ZRANB3: variants seen among roughly 807,000 people sequenced by gnomAD.
ZRANB3 encodes DNA annealing helicase and endonuclease ZRANB3.
A neutral mutation model predicts 133.8 loss-of-function variants in ZRANB3; 125 were observed. The observed-to-expected ratio is 0.93, with a 90% CI of 0.81 to 1.08. The LOEUF (loss-of-function observed/expected upper bound fraction) is 1.08. Ranked by LOEUF, ZRANB3 falls within the 50% of genes least tolerant of loss-of-function variation. The probability of loss-of-function intolerance (pLI) is 0.00; values close to 1 mark genes in which losing one functional copy is unlikely to be tolerated. For synonymous variants in ZRANB3, 387 were observed against 432.7 expected (o/e 0.89, Z 1.31); for missense variants, 1,229 against 1,275.5 (o/e 0.96, Z 0.56).
intron 12 of ZRANB3, among the ~76,000 whole-genome samples, chr2:135,255,966 T>G (rs1201748552): frequency 1.3e-5 from 2 of 149,082 alleles, no homozygotes; most frequent in African/African-American, 5.0e-5. Flanking sequence ...CAGGCTGGAG[T>G]GCAGTGGAGA....
intron 12 of ZRANB3, among the ~76,000 whole-genome samples, chr2:135,264,771 C>T (rs1165570386): frequency 1.3e-5 from 2 of 148,854 alleles, no homozygotes; most frequent in Middle Eastern, 6.5e-3. Context: ...GACAGAGACA[C>T]AGTCTCACTC....
chr2:135,228,309 TTTG>T (rs1694839302), intron 13 of ZRANB3: 1 of 209,470 alleles, frequency 4.8e-6, no homozygotes, highest in South Asian at 8.7e-5. Context: ...ACAACTAAGT[TTTG>T]TTTTTTTTTT....
intron 2 of ZRANB3, among the ~76,000 whole-genome samples, chr2:135,398,189 C>T (rs2104935253): frequency 6.6e-6 from 1 of 151,960 alleles, no homozygotes; most frequent in South Asian, 2.1e-4. Flanking sequence ...CCTCAGCCTC[C>T]CAAGTAGCTG....
intron 12 of ZRANB3, among the ~76,000 whole-genome samples, chr2:135,257,523 G>A (rs918009567): frequency 6.6e-6 from 1 of 152,116 alleles, no homozygotes; most frequent in African/African-American, 2.4e-5. Flanking sequence ...TTACAAAATG[G>A]TTGCATCATT....
At chr2:135,389,876 CT>C (rs1165827390) in intron 3 of ZRANB3, among the ~76,000 whole-genome samples, 402 of 102,316 alleles carry the variant, frequency 3.9e-3, no homozygotes, top group East Asian at 0.013. Context: ...TGCTGTTATT[CT>C]TTTTTTTTTT....
rs755221915 is a variant in ZRANB3, at chr2:135,315,493, C to T, written c.715G>A (p.Ala239Thr). 3 of 1,579,486 alleles carry T rather than the reference C, an allele frequency of 1.9e-6. No individual in the cohort carries two copies. The highest frequency in any genetic ancestry group is 2.6e-6 in the Non-Finnish European group (3 of 1,166,466). Residue 239 changes from alanine (A) to threonine (T), a missense_variant, in exon 7 of 21, where the codon GCA becomes ACA. Transcript: ENST00000264159. ...GKRPQWDCRG[A>T]SNLNELHQLL... ...TGGTGAAGTTCATTAAGATTTGATG[C>T]CCCTCTACAATCCCACTGAGGTCTT...
intron 12 of ZRANB3, among the ~76,000 whole-genome samples, chr2:135,250,304 C>T (rs1387557389): frequency 6.6e-6 from 1 of 152,118 alleles, no homozygotes; most frequent in African/African-American, 2.4e-5. Flanking sequence ...CTGTTAAAGG[C>T]ATTCAGTTTT....
chr2:135,478,884 T>C (rs1466301140), intron 2 of ZRANB3, among the ~76,000 whole-genome samples: 3 of 151,862 alleles, frequency 2.0e-5, no homozygotes, highest in South Asian at 2.1e-4. Flanking sequence ...ACCTGTTATA[T>C]GTATATATGT....
intron 6 of ZRANB3, among the ~76,000 whole-genome samples, chr2:135,327,206 G>A (rs1683878646): frequency 6.6e-6 from 1 of 152,172 alleles, no homozygotes; most frequent in African/African-American, 2.4e-5. Context: ...ATCCAGGAAT[G>A]TGAGGATCCA....
rs201881336 is a variant in ZRANB3, at chr2:135,514,833, G to GT, written c.-7-10338dup. 6.4e-4 allele frequency among the ~76,000 whole-genome samples: 98 copies of GT among 151,986 alleles called. 2 individuals carry two copies. The South Asian group carries it at 0.018, about 28-fold the overall frequency. On this transcript the variant is annotated intron_variant, in intron 1 of 20. Transcript: ENST00000264159. ...TCCATCAATACCTAGTTTATTGACA[G>GT]TTTTTTTTAGCATGAAGGGGTGTTG... is the stretch of plus-strand genomic sequence containing the variant.
chr2:135,213,301 C>G (rs963814207), intron 17 of ZRANB3, among the ~76,000 whole-genome samples: 1 of 152,200 alleles, frequency 6.6e-6, no homozygotes, highest in African/African-American at 2.4e-5. Flanking sequence ...AGTCTGGAGA[C>G]TCTCTGATTC....
chr2:135,255,040 C>T (rs143312260), intron 12 of ZRANB3, among the ~76,000 whole-genome samples: 96 of 152,072 alleles, frequency 6.3e-4, no homozygotes, highest in Non-Finnish European at 1.1e-3. Flanking sequence ...TGTGAGCCAC[C>T]GCATCCGGCC....
At chr2:135,274,711 A>G (rs1573808108) in intron 9 of ZRANB3, among the ~76,000 whole-genome samples, 1 of 151,888 alleles carries the variant, frequency 6.6e-6, no homozygotes, top group Non-Finnish European at 1.5e-5. Flanking sequence ...TAGTGGAGGG[A>G]AGGTCAGCAG....
At chr2:135,224,338 A>G in intron 15 of ZRANB3, 88 bp downstream of exon 15, 11 of 1,003,188 alleles carry the variant, frequency 1.1e-5, no homozygotes, top group Non-Finnish European at 1.6e-5. Flanking sequence ...GCTTATCTCA[A>G]TGTTAATAAA....
At chr2:135,252,287 C>T (rs1301866972) in intron 12 of ZRANB3, among the ~76,000 whole-genome samples, 10 of 151,896 alleles carry the variant, frequency 6.6e-5, no homozygotes, top group Admixed American at 6.6e-4. Flanking sequence ...TACAACAAAC[C>T]CCTGTGACAC....
rs1410753021 is a variant in ZRANB3, at chr2:135,414,010, T to C, written c.162-23190A>G. Among the ~76,000 whole-genome samples, 4 of 151,960 alleles carry C rather than the reference T, an allele frequency of 2.6e-5. No homozygotes were observed. In the East Asian group the frequency reaches 7.7e-4, roughly 29 times the overall value. On this transcript the variant is annotated intron_variant, in intron 2 of 20. Coordinates refer to ENST00000264159, the MANE Select transcript of ZRANB3 (RefSeq NM_032143.4). ...ACCGTGGCAAAATCATGCCAAAATG[T>C]AAAGACCATCGAGACTAGGAAGAAA... is the stretch of plus-strand genomic sequence containing the variant.
intron 2 of ZRANB3, among the ~76,000 whole-genome samples, chr2:135,440,316 T>C (rs1359422265): frequency 2.0e-5 from 3 of 152,012 alleles, no homozygotes; most frequent in Non-Finnish European, 2.9e-5. Flanking sequence ...TGAGAATCAC[T>C]TGAACCCAGG....
chr2:135,529,823 T>A (rs933984102), intron 1 of ZRANB3, among the ~76,000 whole-genome samples: 2 of 151,108 alleles, frequency 1.3e-5, no homozygotes, highest in South Asian at 4.2e-4. Flanking sequence ...CTGCCACTCG[T>A]TTAATAAATG....
At chr2:135,454,988 A>AT (rs1348200966) in intron 2 of ZRANB3, among the ~76,000 whole-genome samples, 7 of 151,918 alleles carry the variant, frequency 4.6e-5, no homozygotes, top group Non-Finnish European at 7.4e-5. Flanking sequence ...CAGTCTTGCT[A>AT]TTTTTTTATT....
Sources: gnomAD v4.1 joint callset for allele counts (sites outside exome capture counted in the v4.1 genomes callset) on GRCh38, gnomAD v4.1.1 for gene constraint, MANE v1.5 for transcripts, NCBI Gene and HGNC (gene_info 2026-07-23, HGNC 2026-07-21) for gene names.